The following OSBPL5 variants were observed in gnomAD, a reference collection of about 807,000 sequenced individuals.
The protein encoded by OSBPL5 is oxysterol-binding protein-related protein 5.
A neutral mutation model predicts 111.2 loss-of-function variants in OSBPL5; 71 were observed. The ratio of observed to expected loss-of-function variants is 0.64; its 90% CI spans 0.53 to 0.78. OSBPL5 has a LOEUF of 0.78. OSBPL5 is among the 30% of genes least tolerant of loss of function. OSBPL5 has a pLI of 0.00. For missense variants in OSBPL5, 1,210 were observed against 1,189.3 expected (o/e 1.02, Z -0.26); for synonymous variants, 549 against 513.9 (o/e 1.07, Z -0.93).
chr11:3,092,734 T>C lies in OSBPL5; in HGVS notation c.2132+133A>G. 7.4e-7 allele frequency: 1 copy of C among 1,348,448 alleles called. No individual in the cohort carries two copies. Among genetic ancestry groups the C allele is most frequent in the Non-Finnish European group, 9.9e-7 (1 of 1,009,506 alleles). 83.5% of individuals were successfully genotyped at this position (1,348,448 alleles called of 1,614,324 possible). ...ACTGATGATGGGGGGTGTCACTATC[T>C]GACCCTCCCCCACCGACTCCTCCAG... On this transcript the variant is annotated intron_variant, in intron 18 of 21. Transcript: ENST00000263650. The surrounding 1 kb of genome is among the most constrained non-coding windows in gnomAD (Gnocchi z 5.4).
chr11:3,108,871 C>G (rs184573141), intron 7 of OSBPL5, among the ~76,000 whole-genome samples: 1 of 152,174 alleles, frequency 6.6e-6, no homozygotes, highest in African/African-American at 2.4e-5. Flanking sequence ...CGGGTTCAAG[C>G]GATTCTCCTG....
chr11:3,150,587 C>A (rs75048411), intron 1 of OSBPL5, among the ~76,000 whole-genome samples: 1 of 152,140 alleles, frequency 6.6e-6, no homozygotes, highest in Non-Finnish European at 1.5e-5. Context: ...CAGAGGCCAG[C>A]GGCCTGTGGT....
At chr11:3,122,697 G>A (rs1164067080) in intron 3 of OSBPL5, among the ~76,000 whole-genome samples, 1 of 152,238 alleles carries the variant, frequency 6.6e-6, no homozygotes, top group African/African-American at 2.4e-5. Context: ...ATGCTGGGAT[G>A]GGGCAGGGTG....
intron 1 of OSBPL5, among the ~76,000 whole-genome samples, chr11:3,152,350 A>T (rs1564866594): frequency 1.3e-5 from 2 of 152,248 alleles, no homozygotes; most frequent in Non-Finnish European, 2.9e-5. Context: ...AAAAGAAGTG[A>T]GTTGATTTAT....
chr11:3,123,985 T>C (rs1858511086), intron 3 of OSBPL5, among the ~76,000 whole-genome samples: 1 of 152,184 alleles, frequency 6.6e-6, no homozygotes, highest in Non-Finnish European at 1.5e-5. Context: ...GATGCCAGTG[T>C]CCTGCTCTTT....
intron 7 of OSBPL5, among the ~76,000 whole-genome samples, chr11:3,114,594 T>C (rs1365064743): frequency 7.3e-6 from 1 of 136,764 alleles, no homozygotes; most frequent in Admixed American, 7.2e-5. Flanking sequence ...AACAATGATT[T>C]TTTTTTTTTT....
chr11:3,093,127 T>C, intron 17 of OSBPL5, 75 bp from the exon 18 acceptor site: 1 of 1,407,366 alleles, frequency 7.1e-7, no homozygotes, highest in Non-Finnish European at 9.3e-7. Context: ...TCAGGGCCCC[T>C]TGGCACCAGA....
At chr11:3,145,583 C>T (rs1420172478) in intron 1 of OSBPL5, among the ~76,000 whole-genome samples, 2 of 152,154 alleles carry the variant, frequency 1.3e-5, no homozygotes, top group Non-Finnish European at 2.9e-5. Context: ...ACATCGGACC[C>T]GGCTGCAGTC....
Position 3,103,221 on chromosome 11 carries a change from TG to T in OSBPL5, c.1326+17del, listed in dbSNP as rs1857518867. ...TCCTGGGCCGGAGCCCCACCCTCCC[TG>T]GCTGGCAGGGGCTCACCTTGGGCTT... On this transcript the variant is annotated intron_variant, in intron 11 of 21. Transcript: ENST00000263650. The T allele has an allele frequency of 6.3e-7, 1 of 1,587,038 alleles. No homozygotes were observed.
In OSBPL5 at chr11:3,092,767, G is replaced by T; in HGVS notation, c.2132+100C>A. ...CCCCACCGACTCCTCCAGGGGACAG[G>T]CTGAAGGTGAGAGGGAAGCCAGGAG... is the stretch of plus-strand genomic sequence containing the variant. On this transcript the variant is annotated intron_variant, in intron 18 of 21. Coordinates refer to ENST00000263650, the MANE Select transcript of OSBPL5 (RefSeq NM_020896.4). The surrounding 1 kb of genome is among the most constrained non-coding windows in gnomAD (Gnocchi z 5.4). 7.1e-7 allele frequency: 1 copy of T among 1,416,360 alleles called. No individual in the cohort carries two copies. The highest frequency in any genetic ancestry group is 9.4e-7 in the Non-Finnish European group (1 of 1,063,982). 87.7% of individuals were successfully genotyped at this position (1,416,360 alleles called of 1,614,324 possible). A position where few individuals can be genotyped will look rare whatever the true frequency, so the allele number is the denominator to read the frequency against.
intron 17 of OSBPL5, 136 bp downstream of exon 17, chr11:3,093,391 C>T: frequency 3.0e-6 from 4 of 1,345,814 alleles, no homozygotes; most frequent in South Asian, 1.4e-5. Flanking sequence ...GATCTGCCAC[C>T]AGGGGTGCAC....
intron 7 of OSBPL5, among the ~76,000 whole-genome samples, chr11:3,114,837 G>A (rs544739480): frequency 7.9e-4 from 120 of 151,986 alleles, no homozygotes; most frequent in African/African-American, 2.3e-3. Context: ...TCCTGACTTC[G>A]TGATCCTCCT....
At chr11:3,122,771 A>G (rs1858469128) in intron 3 of OSBPL5, among the ~76,000 whole-genome samples, 1 of 152,166 alleles carries the variant, frequency 6.6e-6, no homozygotes. Flanking sequence ...GGTCTGACTG[A>G]GCCCTGAGGG....
Position 3,104,994 on chromosome 11 carries a change from G to A in OSBPL5, c.1060-617C>T, listed in dbSNP as rs903927364. On this transcript the variant is annotated intron_variant, in intron 9 of 21. Transcript: ENST00000263650. The surrounding 1 kb of genome is among the most constrained non-coding windows in gnomAD (Gnocchi z 5.0). Reference sequence around the variant, plus strand: ...CGAAGCCTGTGTGCCCCTCACGAAGGCCCCCTCATCTCTTCCTTTTCTGAG... The same window carrying A: ...CGAAGCCTGTGTGCCCCTCACGAAGACCCCCTCATCTCTTCCTTTTCTGAG... Among the ~76,000 whole-genome samples, 1 of 152,068 alleles carries A rather than the reference G, an allele frequency of 6.6e-6. No homozygotes were observed. Among genetic ancestry groups the A allele is most frequent in the Non-Finnish European group, 1.5e-5 (1 of 68,006 alleles).
rs1292811190 is a variant in OSBPL5, at chr11:3,121,097, C to T, written c.403-473G>A. Reference sequence around the variant, plus strand: ...TTTTTTTGAGACAGAGTCTCTGTTGCCCAGGCTGGAGGTGCAGTGGTGCTA... The same window carrying T: ...TTTTTTTGAGACAGAGTCTCTGTTGTCCAGGCTGGAGGTGCAGTGGTGCTA... On this transcript the variant is annotated intron_variant, in intron 5 of 21. Transcript: ENST00000263650. This position sits in a 1 kb window ranked among gnomAD's most constrained non-coding sequence, Gnocchi z 4.3. 7.1e-6 allele frequency among the ~76,000 whole-genome samples: 1 copy of T among 141,238 alleles called. No homozygotes were observed. Among genetic ancestry groups the T allele is most frequent in the African/African-American group, 2.7e-5 (1 of 37,302 alleles). The allele number at this position is 141,238 out of a possible 152,430, so 92.7% of individuals were successfully genotyped here.
chr11:3,103,727 C>CCTCTGCAGT (rs1564829646), intron 10 of OSBPL5, among the ~76,000 whole-genome samples: 1,602 of 80,300 alleles, frequency 0.02, 102 homozygotes, highest in African/African-American at 0.062. Flanking sequence ...GGCTCTGCTG[C>CCTCTGCAGT]CCCTTCCTGC....
intron 12 of OSBPL5, among the ~76,000 whole-genome samples, chr11:3,101,973 TCA>T (rs1471952889): frequency 1.3e-5 from 2 of 152,214 alleles, no homozygotes; most frequent in Non-Finnish European, 2.9e-5. Context: ...CTGTCTGCTG[TCA>T]CAGTCATGGT....
At chr11:3,091,367 C>T (rs958441636) in intron 19 of OSBPL5, among the ~76,000 whole-genome samples, 21 of 152,012 alleles carry the variant, frequency 1.4e-4, no homozygotes, top group African/African-American at 4.3e-4. Context: ...TGGTCAGCGA[C>T]GGGGCAGGTG....
chr11:3,092,432 C>T lies in OSBPL5; in HGVS notation c.2259G>A (p.Glu753=), dbSNP rs1200645772. The change falls in exon 19 of 22, where the codon GAG becomes GAA. Residue 753 remains glutamate, a splice_region_variant and synonymous_variant. Transcript: ENST00000263650. This position sits in a 1 kb window ranked among gnomAD's most constrained non-coding sequence, Gnocchi z 5.4. The stretch of plus-strand genomic sequence containing the variant: ...TGGGTGGGGCCTGTGGGGTGCTGAC[C>T]TCGTGCCTGGGCCCTGGGCTGCCCA... ...TFLGSPGPRH[E]RSGPDQRLRK... 3.8e-6 allele frequency: 6 copies of T among 1,577,374 alleles called. No individual in the cohort carries two copies. The highest frequency in any genetic ancestry group is 1.8e-5 in the Admixed American group (1 of 56,082).
Sources: allele counts gnomAD v4.1 joint callset (sites outside exome capture counted in the v4.1 genomes callset), GRCh38; gene constraint gnomAD v4.1.1; non-coding constraint Gnocchi (gnomAD v3.1); transcripts MANE v1.5; gene names NCBI Gene and HGNC (gene_info 2026-07-23, HGNC 2026-07-21).